The following ROBO2 variants were observed in gnomAD, a reference collection of about 807,000 sequenced individuals.
The protein encoded by ROBO2 is roundabout homolog 2.
A neutral mutation model predicts 160.8 loss-of-function variants in ROBO2; 53 were observed. That is an observed-to-expected ratio of 0.33 (90% CI 0.26 to 0.41). The LOEUF (loss-of-function observed/expected upper bound fraction) is 0.41, where lower values mean the gene tolerates loss of function less well. ROBO2 is among the 10% of genes least tolerant of loss of function. The probability of loss-of-function intolerance (pLI) is 1.00; values close to 1 mark genes in which losing one functional copy is unlikely to be tolerated. For synonymous variants in ROBO2, 664 were observed against 611.7 expected (o/e 1.09, Z -1.26); for missense variants, 1,577 against 1,722.4 (o/e 0.92, Z 1.49).
At chr3:77,327,578 A>G (rs1012535084) in intron 2 of ROBO2, among the ~76,000 whole-genome samples, 1 of 152,194 alleles carries the variant, frequency 6.6e-6, no homozygotes, top group African/African-American at 2.4e-5. Context: ...AAAGGCTAAG[A>G]AAAGAAAAAT....
At chr3:77,088,199 C>G (rs568013611) in intron 1 of ROBO2, among the ~76,000 whole-genome samples, 1 of 152,100 alleles carries the variant, frequency 6.6e-6, no homozygotes, top group African/African-American at 2.4e-5. Flanking sequence ...TTAGCAATTT[C>G]TGTTAATGGT....
intron 2 of ROBO2, among the ~76,000 whole-genome samples, chr3:76,482,371 C>T (rs1007027619): frequency 3.3e-5 from 5 of 152,038 alleles, no homozygotes; most frequent in African/African-American, 1.2e-4. Context: ...GCCACCATGA[C>T]GATGTGTGTT....
chr3:77,155,512 A>G (rs1274866565), intron 2 of ROBO2, among the ~76,000 whole-genome samples: 1 of 152,036 alleles, frequency 6.6e-6, no homozygotes, highest in Admixed American at 6.6e-5. Flanking sequence ...AGTCCCACAG[A>G]ACCTCCAGAA....
At chr3:76,569,463 A>G (rs1410592652) in intron 2 of ROBO2, among the ~76,000 whole-genome samples, 1 of 152,162 alleles carries the variant, frequency 6.6e-6, no homozygotes, top group Non-Finnish European at 1.5e-5. Flanking sequence ...CCACATAGAG[A>G]ATTGTATGGG....
intron 2 of ROBO2, among the ~76,000 whole-genome samples, chr3:75,962,187 A>G (rs1948940356): frequency 1.3e-5 from 2 of 151,736 alleles, no homozygotes; most frequent in Admixed American, 1.3e-4. Context: ...AAGAAAAATA[A>G]CTCATCCATA....
At chr3:77,457,950 A>T (rs2081852832) in intron 2 of ROBO2, among the ~76,000 whole-genome samples, 1 of 152,210 alleles carries the variant, frequency 6.6e-6, no homozygotes, top group Admixed American at 6.5e-5. Flanking sequence ...TAAATACTTT[A>T]TAAGAGACTA....
At chr3:77,429,728 TCACAATCTGTGATCACAACAA>T (rs1361679718) in intron 2 of ROBO2, among the ~76,000 whole-genome samples, 3 of 151,776 alleles carry the variant, frequency 2.0e-5, no homozygotes, top group Non-Finnish European at 4.4e-5. Flanking sequence ...TTCCCTGTGA[TCACAATCTGTGATCACAACAA>T]CACAATCTGT....
chr3:76,608,397 G>T (rs2087821806), intron 2 of ROBO2, among the ~76,000 whole-genome samples: 1 of 152,136 alleles, frequency 6.6e-6, no homozygotes, highest in African/African-American at 2.4e-5. Flanking sequence ...TTAAAATAAG[G>T]TATGGAGGAT....
At chr3:76,551,170 A>G (rs944628603) in intron 2 of ROBO2, among the ~76,000 whole-genome samples, 1 of 151,908 alleles carries the variant, frequency 6.6e-6, no homozygotes, top group Non-Finnish European at 1.5e-5. Flanking sequence ...AGCCCATGAA[A>G]ACCCCAGACT....
chr3:76,689,020 GT>G (rs2092743295), intron 2 of ROBO2, among the ~76,000 whole-genome samples: 2 of 151,722 alleles, frequency 1.3e-5, no homozygotes. Flanking sequence ...CTAAAACAAA[GT>G]TTTAAAAAAT....
chr3:77,034,786 A>G (rs1285432461), intron 2 of ROBO2, among the ~76,000 whole-genome samples: 1 of 151,986 alleles, frequency 6.6e-6, no homozygotes, highest in African/African-American at 2.4e-5. Flanking sequence ...TTTTTCTATT[A>G]GGATTACAGC....
At chr3:76,995,793 G>C (rs2060964875) in intron 2 of ROBO2, among the ~76,000 whole-genome samples, 1 of 152,064 alleles carries the variant, frequency 6.6e-6, no homozygotes. Context: ...CTTTTTGATG[G>C]GGTTGTTTGT....
At chr3:76,768,383 C>T (rs1008957335) in intron 2 of ROBO2, among the ~76,000 whole-genome samples, 3 of 151,232 alleles carry the variant, frequency 2.0e-5, no homozygotes, top group East Asian at 2.0e-4. Context: ...TGAATTCGAC[C>T]GCCTTTTCTC....
At chr3:76,799,087 G>A (rs968896424) in intron 2 of ROBO2, among the ~76,000 whole-genome samples, 7 of 151,794 alleles carry the variant, frequency 4.6e-5, no homozygotes, top group African/African-American at 1.2e-4. Flanking sequence ...GGTGGCAGGC[G>A]CCTGCAGTCC....
At chr3:77,527,407 C>A (rs929661628) in intron 6 of ROBO2, 1 of 1,288,014 alleles carries the variant, frequency 7.8e-7, no homozygotes, top group Non-Finnish European at 1.0e-6. Flanking sequence ...CTACAGCTCG[C>A]CCTGTTGGTA....
At chr3:77,533,762 A>G (rs1472490787) in intron 6 of ROBO2, among the ~76,000 whole-genome samples, 1 of 152,194 alleles carries the variant, frequency 6.6e-6, no homozygotes, top group Non-Finnish European at 1.5e-5. Context: ...TCTGAGGTCA[A>G]CTGATTAGTA....
chr3:76,616,254 T>A (rs1435680291), intron 2 of ROBO2, among the ~76,000 whole-genome samples: 1 of 152,242 alleles, frequency 6.6e-6, no homozygotes, highest in Admixed American at 6.5e-5. Context: ...TTTCTTATTC[T>A]TTGTATAAAC....
intron 2 of ROBO2, among the ~76,000 whole-genome samples, chr3:76,817,891 C>T (rs1258641266): frequency 1.5e-5 from 2 of 135,260 alleles, no homozygotes; most frequent in African/African-American, 2.8e-5. Context: ...ATTTCTTTAT[C>T]CACTTGTTAA....
chr3:77,431,737 C>A (rs1456048592), intron 2 of ROBO2, among the ~76,000 whole-genome samples: 2 of 152,250 alleles, frequency 1.3e-5, no homozygotes, highest in African/African-American at 2.4e-5. Context: ...TGAAAAGGGG[C>A]AGACTGGTTG....
Sources: allele counts gnomAD v4.1 joint callset (sites outside exome capture counted in the v4.1 genomes callset), GRCh38; gene constraint gnomAD v4.1.1; transcripts MANE v1.5; gene names NCBI Gene and HGNC (gene_info 2026-07-23, HGNC 2026-07-21).